RIT2: variants seen among roughly 807,000 people sequenced by gnomAD.
The protein encoded by RIT2 is GTP-binding protein Rit2.
RIT2 carries 24 observed loss-of-function variants against 23.7 expected under a neutral mutation model. The observed-to-expected ratio is 1.01, with a 90% CI of 0.73 to 1.43. The LOEUF is 1.43. Ranked by LOEUF, RIT2 falls within the 40% of genes most tolerant of loss-of-function variation. RIT2 has a pLI of 0.00. For missense variants in RIT2, 236 were observed against 266.9 expected, an observed-to-expected ratio of 0.88 and a Z score of 0.81; for synonymous variants, 107 against 91.1, an observed-to-expected ratio of 1.17 and a Z score of -0.99.
chr18:42,951,105 A>C (rs754585023), intron 3 of RIT2, among the ~76,000 whole-genome samples: 1 of 152,126 alleles, frequency 6.6e-6, no homozygotes, highest in East Asian at 1.9e-4. Flanking sequence ...TACCAAAAAG[A>C]CACATGCACT....
At chr18:43,103,176 T>C (rs1913729130) in intron 1 of RIT2, among the ~76,000 whole-genome samples, 1 of 152,190 alleles carries the variant, frequency 6.6e-6, no homozygotes, top group South Asian at 2.1e-4. Flanking sequence ...TCTCTCTTGG[T>C]ACCAGTTTCT....
At chr18:42,943,491 T>C (rs1909654197) in intron 3 of RIT2, among the ~76,000 whole-genome samples, 1 of 152,118 alleles carries the variant, frequency 6.6e-6, no homozygotes, top group African/African-American at 2.4e-5. Context: ...TACTTATTCC[T>C]TGATTTATCC....
At chr18:43,040,339 T>A (rs554983591) in intron 1 of RIT2, among the ~76,000 whole-genome samples, 6 of 152,228 alleles carry the variant, frequency 3.9e-5, no homozygotes, top group Non-Finnish European at 5.9e-5. Flanking sequence ...CTCTGTCTTA[T>A]AAAGAATTTA....
At chr18:42,837,746 C>A (rs1418240535) in intron 4 of RIT2, among the ~76,000 whole-genome samples, 2 of 152,030 alleles carry the variant, frequency 1.3e-5, no homozygotes, top group Non-Finnish European at 2.9e-5. Context: ...GCCATTAAGC[C>A]AATTTCCCCA....
chr18:42,945,248 CTTAA>C (rs1568036710), intron 3 of RIT2, among the ~76,000 whole-genome samples: 2 of 151,942 alleles, frequency 1.3e-5, no homozygotes, highest in African/African-American at 4.8e-5. Flanking sequence ...TTAGCATTCA[CTTAA>C]TTAAACTGTT....
chr18:42,763,290 G>A (rs183579335), intron 4 of RIT2, among the ~76,000 whole-genome samples: 3 of 152,124 alleles, frequency 2.0e-5, no homozygotes, highest in East Asian at 1.9e-4. Flanking sequence ...GTGAAACCCC[G>A]TCTCTATTAA....
intron 4 of RIT2, among the ~76,000 whole-genome samples, chr18:42,854,882 CACA>C (rs1213370497): frequency 6.6e-6 from 1 of 152,142 alleles, no homozygotes; most frequent in African/African-American, 2.4e-5. Flanking sequence ...CTTAAAATCA[CACA>C]ACTACTACCC....
At chr18:42,817,168 G>C (rs191361401) in intron 4 of RIT2, among the ~76,000 whole-genome samples, 2 of 152,052 alleles carry the variant, frequency 1.3e-5, no homozygotes, top group African/African-American at 4.8e-5. Flanking sequence ...TATTTAAACA[G>C]ATCTGAATTC....
chr18:42,860,560 C>A (rs761634305), intron 4 of RIT2, among the ~76,000 whole-genome samples: 1 of 152,110 alleles, frequency 6.6e-6, no homozygotes, highest in African/African-American at 2.4e-5. Flanking sequence ...AGAACTTGAA[C>A]AAAAATGATG....
At chr18:42,876,339 T>C (rs1271872584) in intron 4 of RIT2, among the ~76,000 whole-genome samples, 1 of 148,640 alleles carries the variant, frequency 6.7e-6, no homozygotes, top group Non-Finnish European at 1.5e-5. Context: ...AATTAAACTG[T>C]GCCTGAAACT....
chr18:43,009,240 T>A (rs953367381), intron 2 of RIT2, among the ~76,000 whole-genome samples: 8 of 151,642 alleles, frequency 5.3e-5, no homozygotes, highest in South Asian at 2.1e-4. Context: ...AGTCACAAAC[T>A]TTTTTTTAAA....
At chr18:42,809,980 T>C (rs1905796159) in intron 4 of RIT2, among the ~76,000 whole-genome samples, 2 of 146,346 alleles carry the variant, frequency 1.4e-5, no homozygotes, top group Admixed American at 7.0e-5. Context: ...ATATAATTTG[T>C]ATATGTTATA....
intron 4 of RIT2, among the ~76,000 whole-genome samples, chr18:42,815,524 C>G (rs1363198079): frequency 6.6e-6 from 1 of 152,118 alleles, no homozygotes; most frequent in African/African-American, 2.4e-5. Flanking sequence ...AAAAGAGAAG[C>G]CTGAAAGTTT....
At chr18:42,808,577 G>GTT (rs141896476) in intron 4 of RIT2, among the ~76,000 whole-genome samples, 2 of 147,612 alleles carry the variant, frequency 1.4e-5, no homozygotes, top group African/African-American at 2.5e-5. Context: ...AAAAGAATTC[G>GTT]TTTTTTTTTT....
intron 4 of RIT2, among the ~76,000 whole-genome samples, chr18:42,860,633 A>G (rs190046970): frequency 5.7e-4 from 87 of 152,302 alleles, no homozygotes; most frequent in Admixed American, 1.3e-3. Flanking sequence ...TACCCTCTCT[A>G]GGAGGAGTGC....
chr18:43,062,454 T>A (rs1430407819), intron 1 of RIT2, among the ~76,000 whole-genome samples: 5 of 152,124 alleles, frequency 3.3e-5, no homozygotes, highest in Non-Finnish European at 7.4e-5. Context: ...GAAAAGATTT[T>A]GATGAGATTT....
chr18:42,952,643 C>T (rs7236293), intron 3 of RIT2, among the ~76,000 whole-genome samples: 5,803 of 151,846 alleles, frequency 0.038, 360 homozygotes, highest in African/African-American at 0.13. Flanking sequence ...ACTGTACAGC[C>T]GTTTGTATGT....
chr18:42,971,700 T>G (rs1195345697), intron 3 of RIT2, among the ~76,000 whole-genome samples: 3 of 152,034 alleles, frequency 2.0e-5, no homozygotes, highest in Non-Finnish European at 4.4e-5. Flanking sequence ...GACTGGGCTT[T>G]CTTTCTTTGG....
At chr18:42,979,883 G>A (rs1435019051) in intron 2 of RIT2, among the ~76,000 whole-genome samples, 5 of 152,122 alleles carry the variant, frequency 3.3e-5, no homozygotes, top group Admixed American at 6.6e-5. Context: ...TTTAATGAGT[G>A]CTACATTAGA....
Sources: allele counts gnomAD v4.1 joint callset (sites outside exome capture counted in the v4.1 genomes callset), GRCh38; gene constraint gnomAD v4.1.1; transcripts MANE v1.5; gene names NCBI Gene and HGNC (gene_info 2026-07-23, HGNC 2026-07-21).